The following MARCHF6 variants were observed in gnomAD, a reference collection of about 807,000 sequenced individuals.
MARCHF6 encodes the protein E3 ubiquitin-protein ligase MARCHF6.
MARCHF6 carries 31 observed loss-of-function variants against 133.7 expected under a neutral mutation model. That is an observed-to-expected ratio of 0.23 (90% confidence interval 0.17 to 0.31). The LOEUF is 0.31. Ranked by LOEUF, MARCHF6 falls within the 10% of genes least tolerant of loss-of-function variation. The probability of loss-of-function intolerance (pLI) is 1.00; values close to 1 mark genes in which losing one functional copy is unlikely to be tolerated. For synonymous variants in MARCHF6, 395 were observed against 402.5 expected, an observed-to-expected ratio of 0.98 and a Z score of 0.22; for missense variants, 723 against 1,121.6, an observed-to-expected ratio of 0.64 and a Z score of 5.08.
chr5:10,394,084 G>C lies in MARCHF6; in HGVS notation c.769G>C (p.Asp257His). The part of the protein sequence containing the change: ...AADANNGAQD[D>H]MNWNALEWDR... ...TTAAATTGCAATTATATTTTCAGAT[G>C]ACATGAATTGGAATGCTTTAGAATG... The change falls in exon 8 of 26, where the codon GAC (aspartate) becomes CAC (histidine). Residue 257 changes from aspartate to histidine, a missense_variant and splice_region_variant. Physicochemically the swap from Asp to His is moderately conservative, Grantham distance 81 (BLOSUM62 -1). This residue lies in a region of MARCHF6 where 97 missense variants were observed against 115.4 expected (regional missense o/e 0.84). Coordinates refer to ENST00000274140, the MANE Select transcript of MARCHF6 (RefSeq NM_005885.4). 1 of 1,527,780 alleles carries C rather than the reference G, an allele frequency of 6.5e-7. No homozygotes were observed. The highest frequency in any genetic ancestry group is 8.8e-7 in the Non-Finnish European group (1 of 1,132,700). The allele number at this position is 1,527,780 out of a possible 1,614,324, so 94.6% of individuals were successfully genotyped here. A position where few individuals can be genotyped will look rare whatever the true frequency, so the allele number is the denominator to read the frequency against.
rs1477924546 is a variant in MARCHF6, at chr5:10,381,954, A to G, written c.334+11A>G. The stretch of plus-strand genomic sequence containing the variant: ...TTCCTCTTACAGCATGTGAGTATTC[A>G]TGCCTCTGATTGGAGTTATTTAAAC... On this transcript the variant is annotated intron_variant, in intron 4 of 25. Coordinates refer to ENST00000274140, the MANE Select transcript of MARCHF6 (RefSeq NM_005885.4). 1 of 1,610,830 alleles carries G rather than the reference A, an allele frequency of 6.2e-7. No homozygotes were observed. The highest frequency in any genetic ancestry group is 1.7e-5 in the Admixed American group (1 of 59,510).
chr5:10,432,669 C>G (rs1037807482), intron 25 of MARCHF6, among the ~76,000 whole-genome samples: 2 of 152,246 alleles, frequency 1.3e-5, no homozygotes, highest in African/African-American at 4.8e-5. Flanking sequence ...ACAGTAACAT[C>G]TGCCTTGTTT....
intron 1 of MARCHF6, among the ~76,000 whole-genome samples, chr5:10,374,326 A>G (rs1736641454): frequency 6.6e-6 from 1 of 152,144 alleles, no homozygotes; most frequent in East Asian, 1.9e-4. Context: ...GGCAGTTAAA[A>G]TGCTTGTTTT....
chr5:10,370,331 G>A (rs1736395182), intron 1 of MARCHF6, among the ~76,000 whole-genome samples: 1 of 151,802 alleles, frequency 6.6e-6, no homozygotes, highest in Non-Finnish European at 1.5e-5. Flanking sequence ...TTGAACTCCT[G>A]GGCTCATGTG....
At chr5:10,431,911 C>T (rs1000518987) in intron 25 of MARCHF6, among the ~76,000 whole-genome samples, 1 of 152,058 alleles carries the variant, frequency 6.6e-6, no homozygotes, top group African/African-American at 2.4e-5. Flanking sequence ...ATTGCTCAGC[C>T]TTCACTGTTT....
chr5:10,377,514 T>G (rs1736863711), intron 1 of MARCHF6, among the ~76,000 whole-genome samples: 1 of 152,252 alleles, frequency 6.6e-6, no homozygotes, highest in Non-Finnish European at 1.5e-5. Context: ...GAGAGCGCAG[T>G]TTTGAATAAA....
In MARCHF6 at chr5:10,395,770, C is replaced by T. The variant is rs184534093; in HGVS notation, c.861+985C>T. ...AGACCGAGATATCTCCATCTGTCTC[C>T]TTTGCTGTCCTCAGTGTTGGCCTTC... On this transcript the variant is annotated intron_variant, in intron 9 of 25. Coordinates refer to ENST00000274140, the MANE Select transcript of MARCHF6 (RefSeq NM_005885.4). Among the ~76,000 whole-genome samples, 34 of 152,302 alleles carry T rather than the reference C, an allele frequency of 2.2e-4. No homozygotes were observed. In the East Asian group the frequency reaches 6.4e-3, roughly 29 times the overall value.
In MARCHF6 at chr5:10,435,681, A is replaced by T. The variant is rs1561159609; in HGVS notation, c.*1997A>T. The stretch of plus-strand genomic sequence containing the variant: ...TATATATATATATATATATATATAT[A>T]TATATATATATATATATTTTTTTTT... On this transcript the variant is annotated 3_prime_UTR_variant, in exon 26 of 26. Coordinates refer to ENST00000274140, the MANE Select transcript of MARCHF6 (RefSeq NM_005885.4). The T allele has an allele frequency of 5.2e-4, 3 of 5,734 alleles. No individual in the cohort carries two copies. Among genetic ancestry groups the T allele is most frequent in the African/African-American group, 2.5e-3 (2 of 802 alleles). The allele number at this position is 5,734 out of a possible 1,614,324, so 0.4% of individuals were successfully genotyped here. A position where few individuals can be genotyped will look rare whatever the true frequency, so the allele number is the denominator to read the frequency against.
chr5:10,430,433 G>A (rs549666900), intron 25 of MARCHF6, among the ~76,000 whole-genome samples: 8 of 151,578 alleles, frequency 5.3e-5, no homozygotes, highest in African/African-American at 1.9e-4. Context: ...AGCCTCCCAA[G>A]TAGCTGGGAT....
rs1489926432 is a variant in MARCHF6 at position 10,414,510 on chromosome 5, C to T, written c.1966+8C>T. The T allele has an allele frequency of 2.3e-5, 37 of 1,604,230 alleles. No individual in the cohort carries two copies. Among genetic ancestry groups the T allele is most frequent in the African/African-American group, 5.4e-5 (4 of 74,684 alleles). On this transcript the variant is annotated splice_region_variant and intron_variant, in intron 20 of 25. Coordinates refer to ENST00000274140, the MANE Select transcript of MARCHF6 (RefSeq NM_005885.4). ...TCTGCCTTACTTTACCAGGTATGAG[C>T]TTGTGCTAGCCTTCAGCTAATAGCA...
At chr5:10,405,420 A>T in intron 15 of MARCHF6, 138 bp from the exon 16 acceptor site, 1 of 621,676 alleles carries the variant, frequency 1.6e-6, no homozygotes, top group Non-Finnish European at 2.6e-6. Flanking sequence ...CTTTCCTAAG[A>T]ATACCATGTA....
At chr5:10,387,112 G>A in intron 5 of MARCHF6, 46 bp downstream of exon 5, 1 of 1,392,912 alleles carries the variant, frequency 7.2e-7, no homozygotes, top group Non-Finnish European at 1.0e-6. Flanking sequence ...TGTAGATGAT[G>A]CTTGCTTTTT....
At chr5:10,403,590 T>G in intron 15 of MARCHF6, 49 bp downstream of exon 15, 1 of 1,541,382 alleles carries the variant, frequency 6.5e-7, no homozygotes, top group Non-Finnish European at 8.8e-7. Flanking sequence ...AAAAGGACTT[T>G]TGCTTTCACC....
chr5:10,383,411 T>G (rs896351307), intron 4 of MARCHF6, among the ~76,000 whole-genome samples: 7 of 152,204 alleles, frequency 4.6e-5, no homozygotes, highest in Non-Finnish European at 8.8e-5. Flanking sequence ...CCTAGACATA[T>G]TCTCAAGTTT....
intron 3 of MARCHF6, 36 bp downstream of exon 3, chr5:10,378,868 G>T (rs1263466620): frequency 7.0e-7 from 1 of 1,424,274 alleles, no homozygotes; most frequent in South Asian, 1.2e-5. Flanking sequence ...CATTTTTTTT[G>T]GTTATCACTC....
chr5:10,426,931 A>G (rs1740117067), intron 24 of MARCHF6, among the ~76,000 whole-genome samples: 2 of 152,376 alleles, frequency 1.3e-5, no homozygotes, highest in Non-Finnish European at 2.9e-5. Flanking sequence ...CAACACGTTT[A>G]TACTGAAATA....
At chr5:10,386,089 A>G (rs1194387348) in intron 4 of MARCHF6, among the ~76,000 whole-genome samples, 1 of 151,798 alleles carries the variant, frequency 6.6e-6, no homozygotes, top group Non-Finnish European at 1.5e-5. Flanking sequence ...ACATGAATCC[A>G]TTTACCTATC....
At chr5:10,420,233 A>G (rs1739759464) in intron 22 of MARCHF6, among the ~76,000 whole-genome samples, 1 of 152,254 alleles carries the variant, frequency 6.6e-6, no homozygotes, top group Non-Finnish European at 1.5e-5. Context: ...GGCCTACAAC[A>G]TCACTTTTCA....
At chr5:10,432,016 CAAAAG>C (rs1740396681) in intron 25 of MARCHF6, among the ~76,000 whole-genome samples, 1 of 151,944 alleles carries the variant, frequency 6.6e-6, no homozygotes, top group East Asian at 1.9e-4. Context: ...GAAGGTAAGA[CAAAAG>C]AAAAGGAATA....
Sources: gnomAD v4.1 joint callset for allele counts (sites outside exome capture counted in the v4.1 genomes callset) on GRCh38, gnomAD v4.1.1 for gene constraint, gnomAD v4.1.1 regional missense constraint, MANE v1.5 for transcripts, NCBI Gene and HGNC (gene_info 2026-07-23, HGNC 2026-07-21) for gene names.